Variants in CTNNA3 observed in about 807,000 individuals in gnomAD.
CTNNA3 encodes the protein catenin alpha 3, also known as catenin alpha-3.
CTNNA3 carries 76 observed loss-of-function variants against 95.7 expected under a neutral mutation model. The ratio of observed to expected loss-of-function variants is 0.79; its 90% CI spans 0.66 to 0.96. CTNNA3 has a LOEUF of 0.96. Ranked by LOEUF, CTNNA3 falls within the 40% of genes least tolerant of loss-of-function variation. The pLI is 0.00. For synonymous variants in CTNNA3, 431 were observed against 374.4 expected (o/e 1.15, Z -1.74); for missense variants, 1,191 against 1,089.8 (o/e 1.09, Z -1.31).
intron 17 of CTNNA3, among the ~76,000 whole-genome samples, chr10:65,933,548 A>T (rs2077287612): frequency 6.6e-6 from 1 of 152,192 alleles, no homozygotes; most frequent in Non-Finnish European, 1.5e-5. Flanking sequence ...ATAGCAAAAA[A>T]ACGAAAAGTA....
intron 12 of CTNNA3, among the ~76,000 whole-genome samples, chr10:66,378,648 G>T (rs2092812753): frequency 6.6e-6 from 1 of 152,142 alleles, no homozygotes; most frequent in Non-Finnish European, 1.5e-5. Context: ...CAAAAGAGTG[G>T]TTCCACATTT....
At chr10:67,062,302 A>C (rs533318465) in intron 7 of CTNNA3, among the ~76,000 whole-genome samples, 11 of 152,326 alleles carry the variant, frequency 7.2e-5, no homozygotes, top group African/African-American at 2.6e-4. Context: ...TCCTATAAGG[A>C]AAATCACTTA....
At chr10:67,206,888 T>C (rs1863924999) in intron 6 of CTNNA3, among the ~76,000 whole-genome samples, 1 of 152,034 alleles carries the variant, frequency 6.6e-6, no homozygotes, top group African/African-American at 2.4e-5. Flanking sequence ...CCCAGCACTT[T>C]GGGAGGCTGA....
chr10:66,318,045 A>G (rs1021068639), intron 12 of CTNNA3, among the ~76,000 whole-genome samples: 3 of 152,056 alleles, frequency 2.0e-5, no homozygotes, highest in African/African-American at 7.2e-5. Context: ...CATTGCTTGA[A>G]AGTTTTAAAA....
At chr10:67,563,373 G>C (rs7901253) in intron 3 of CTNNA3, among the ~76,000 whole-genome samples, 30,084 of 150,670 alleles carry the variant, frequency 0.2, 4,956 homozygotes, top group African/African-American at 0.47. Flanking sequence ...ACAAACCTGA[G>C]AAAAACTAGA....
At chr10:67,699,600 C>T (rs113343567), upstream of CTNNA3, among the ~76,000 whole-genome samples, 1,308 of 152,340 alleles carry the variant, frequency 8.6e-3, 25 homozygotes, top group African/African-American at 0.029. Context: ...AGACATTTCA[C>T]TCAGGGATTA....
chr10:67,128,626 T>C (rs977321838), intron 7 of CTNNA3, among the ~76,000 whole-genome samples: 2 of 152,150 alleles, frequency 1.3e-5, no homozygotes, highest in Admixed American at 6.5e-5. Flanking sequence ...CAATCAAGTT[T>C]AATTTTTCCA....
chr10:67,069,715 A>G (rs1008538101), intron 7 of CTNNA3, among the ~76,000 whole-genome samples: 5 of 152,096 alleles, frequency 3.3e-5, no homozygotes, highest in Non-Finnish European at 5.9e-5. Flanking sequence ...CTCACTCAAC[A>G]TTATGTTTAT....
intron 3 of CTNNA3, among the ~76,000 whole-genome samples, chr10:67,577,372 G>A (rs1177333375): frequency 6.7e-6 from 1 of 148,258 alleles, no homozygotes; most frequent in Non-Finnish European, 1.5e-5. Flanking sequence ...CTTTTTGATG[G>A]GGTTGTTTGT....
At chr10:67,031,226 C>A (rs1350637941) in intron 7 of CTNNA3, among the ~76,000 whole-genome samples, 1 of 152,014 alleles carries the variant, frequency 6.6e-6, no homozygotes, top group African/African-American at 2.4e-5. Flanking sequence ...TATAACAATA[C>A]ATTTGTCTAG....
chr10:66,347,717 A>G (rs2092535165), intron 12 of CTNNA3, among the ~76,000 whole-genome samples: 1 of 152,060 alleles, frequency 6.6e-6, no homozygotes, highest in South Asian at 2.1e-4. Flanking sequence ...ATCATACACA[A>G]CTGAAGAAAA....
chr10:66,762,036 T>C (rs1839619060), intron 9 of CTNNA3, among the ~76,000 whole-genome samples: 1 of 152,210 alleles, frequency 6.6e-6, no homozygotes, highest in Non-Finnish European at 1.5e-5. Flanking sequence ...CTTCATTCAA[T>C]GTGGATTTAT....
At chr10:66,450,509 T>G (rs1028803232) in intron 11 of CTNNA3, among the ~76,000 whole-genome samples, 4 of 152,082 alleles carry the variant, frequency 2.6e-5, no homozygotes, top group African/African-American at 9.6e-5. Flanking sequence ...AGAAATAACG[T>G]TGTATTCATT....
At chr10:66,892,748 C>T (rs1227932673) in intron 7 of CTNNA3, among the ~76,000 whole-genome samples, 5 of 152,066 alleles carry the variant, frequency 3.3e-5, no homozygotes, top group Non-Finnish European at 7.4e-5. Flanking sequence ...AAATAACTAA[C>T]GTTATGGAAT....
intron 14 of CTNNA3, among the ~76,000 whole-genome samples, chr10:66,090,759 T>C (rs541295450): frequency 6.6e-6 from 1 of 152,200 alleles, no homozygotes; most frequent in South Asian, 2.1e-4. Context: ...GCTTCTATTA[T>C]ATGTCTGTTC....
intron 13 of CTNNA3, among the ~76,000 whole-genome samples, chr10:66,123,402 T>C (rs940251450): frequency 1.3e-5 from 2 of 152,286 alleles, no homozygotes; most frequent in African/African-American, 4.8e-5. Flanking sequence ...TCCGTCCCTG[T>C]GGCTTTGCAG....
chr10:67,718,285 T>C (rs1841156451), intron 1 of CTNNA3, among the ~76,000 whole-genome samples: 1 of 152,214 alleles, frequency 6.6e-6, no homozygotes, highest in South Asian at 2.1e-4. Context: ...ACTTCCTCTT[T>C]TCCTATTTGA....
intron 5 of CTNNA3, among the ~76,000 whole-genome samples, chr10:67,326,698 T>C (rs1841551441): frequency 6.6e-6 from 1 of 152,190 alleles, no homozygotes; most frequent in Non-Finnish European, 1.5e-5. Context: ...CTGATTATTA[T>C]AGGTCTTGAG....
rs1380021748 is a variant in CTNNA3, at chr10:66,845,713, A to ATAAATAAATAAAT, written c.1048-70190_1048-70189insATTTATTTATTTA. On this transcript the variant is annotated intron_variant, in intron 7 of 17. Transcript: ENST00000433211. Reference sequence around the variant, plus strand: ...AGCAAAACTCTGTCTCAAAAAAAAAAAAAAAAAAAAAAAAAACTAAAAAGG... The same window carrying ATAAATAAATAAAT: ...AGCAAAACTCTGTCTCAAAAAAAAAATAAATAAATAAATAAAAAAAAAAAAAAAACTAAAAAGG... 6.5e-5 allele frequency among the ~76,000 whole-genome samples: 8 copies of ATAAATAAATAAAT among 123,390 alleles called. 1 individual carries two copies. Among genetic ancestry groups the ATAAATAAATAAAT allele is most frequent in the South Asian group, 2.8e-4 (1 of 3,536 alleles). 80.9% of individuals were successfully genotyped at this position (123,390 alleles called of 152,430 possible).
Sources: allele counts gnomAD v4.1 joint callset (sites outside exome capture counted in the v4.1 genomes callset), GRCh38; gene constraint gnomAD v4.1.1; transcripts MANE v1.5; gene names NCBI Gene and HGNC (gene_info 2026-07-23, HGNC 2026-07-21).